Variants in SORCS1 observed in about 807,000 individuals in gnomAD.
SORCS1 encodes the protein VPS10 domain-containing receptor SorCS1.
Under a neutral mutation model 146.1 loss-of-function variants are expected in SORCS1, and 60 were observed. That is an observed-to-expected ratio of 0.41 (90% CI 0.33 to 0.51). The LOEUF is 0.51. Among genes scored for constraint, SORCS1 ranks in the 20% least tolerant of loss-of-function variants. SORCS1 has a pLI of 0.21. For missense variants in SORCS1, 1,352 were observed against 1,487.6 expected, an observed-to-expected ratio of 0.91 and a Z score of 1.50; for synonymous variants, 637 against 584.0, an observed-to-expected ratio of 1.09 and a Z score of -1.31.
chr10:107,092,754 C>T (rs557884069), intron 1 of SORCS1, among the ~76,000 whole-genome samples: 1 of 152,056 alleles, frequency 6.6e-6, no homozygotes, highest in Admixed American at 6.5e-5. Context: ...CACTGGAAAA[C>T]CAAGTGCAGG....
At chr10:106,952,332 T>C (rs2138926176) in intron 2 of SORCS1, among the ~76,000 whole-genome samples, 1 of 152,180 alleles carries the variant, frequency 6.6e-6, no homozygotes, top group East Asian at 1.9e-4. Flanking sequence ...AAAGTCAGTT[T>C]GTGCTAGGCC....
intron 1 of SORCS1, among the ~76,000 whole-genome samples, chr10:107,004,359 T>C (rs1277871362): frequency 6.6e-6 from 1 of 151,956 alleles, no homozygotes; most frequent in Non-Finnish European, 1.5e-5. Flanking sequence ...CTGGGTAACT[T>C]ATAAAGAAAA....
At chr10:107,064,165 T>C (rs1322522425) in intron 1 of SORCS1, among the ~76,000 whole-genome samples, 1 of 152,232 alleles carries the variant, frequency 6.6e-6, no homozygotes, top group Non-Finnish European at 1.5e-5. Flanking sequence ...TATTTTAACA[T>C]GTAAACATTT....
At chr10:106,646,246 C>T (rs1325931441) in intron 18 of SORCS1, among the ~76,000 whole-genome samples, 4 of 151,488 alleles carry the variant, frequency 2.6e-5, no homozygotes, top group African/African-American at 9.7e-5. Flanking sequence ...AAGGTAGACT[C>T]CATCTCAAAA....
chr10:106,865,745 T>A (rs1950202475), intron 2 of SORCS1, among the ~76,000 whole-genome samples: 1 of 149,240 alleles, frequency 6.7e-6, no homozygotes, highest in African/African-American at 2.5e-5. Flanking sequence ...TAAAATAAAA[T>A]AAAATAAAAA....
At chr10:106,756,125 TC>T (rs1858618956) in intron 5 of SORCS1, among the ~76,000 whole-genome samples, 1 of 141,236 alleles carries the variant, frequency 7.1e-6, no homozygotes, top group Non-Finnish European at 1.6e-5. Flanking sequence ...CAAGACAATG[TC>T]TCAAAAAAAA....
intron 18 of SORCS1, among the ~76,000 whole-genome samples, chr10:106,632,749 G>A (rs927809667): frequency 1.6e-4 from 24 of 152,160 alleles, no homozygotes; most frequent in African/African-American, 5.8e-4. Context: ...AAAAATTATT[G>A]CAGGGTGACA....
At position 106,945,500 on chromosome 10, in the gene SORCS1, A is replaced by G. The variant is rs144604449; in HGVS notation, c.626+11013T>C. ...AGGAACTATGAGGATGTGGAAGGTA[A>G]CTGGATGGTGGTGATCTGTATCTCA... On this transcript the variant is annotated intron_variant, in intron 2 of 25. Transcript: ENST00000263054. 5.7e-3 allele frequency among the ~76,000 whole-genome samples: 866 copies of G among 152,350 alleles called. 5 individuals are homozygous for G. Among genetic ancestry groups the G allele is most frequent in the Middle Eastern group, 0.02 (6 of 294 alleles).
At chr10:106,696,724 T>A (rs1005533300) in intron 9 of SORCS1, among the ~76,000 whole-genome samples, 2 of 152,244 alleles carry the variant, frequency 1.3e-5, no homozygotes, top group East Asian at 3.8e-4. Flanking sequence ...CTGTTACCGA[T>A]GTTTGAATTC....
intron 3 of SORCS1, among the ~76,000 whole-genome samples, chr10:106,789,138 G>A (rs1445632135): frequency 6.6e-6 from 1 of 152,124 alleles, no homozygotes; most frequent in Non-Finnish European, 1.5e-5. Context: ...TGCGACAGAG[G>A]GCACCAAGTC....
intron 1 of SORCS1, among the ~76,000 whole-genome samples, chr10:106,986,961 C>A (rs1956504417): frequency 6.6e-6 from 1 of 152,160 alleles, no homozygotes; most frequent in Non-Finnish European, 1.5e-5. Context: ...AGGTTGGTTT[C>A]TCTTGGCTAC....
intron 2 of SORCS1, among the ~76,000 whole-genome samples, chr10:106,944,201 T>C (rs995564114): frequency 1.3e-5 from 2 of 152,222 alleles, no homozygotes; most frequent in Non-Finnish European, 2.9e-5. Flanking sequence ...GTGAAATTCA[T>C]ATCTCATCAA....
intron 5 of SORCS1, among the ~76,000 whole-genome samples, chr10:106,752,017 T>G (rs1344370986): frequency 6.6e-6 from 1 of 152,214 alleles, no homozygotes; most frequent in Non-Finnish European, 1.5e-5. Flanking sequence ...ATAATGATAA[T>G]ATGTCATTTT....
chr10:106,791,361 A>G (rs1282104763), intron 3 of SORCS1, among the ~76,000 whole-genome samples: 4 of 152,174 alleles, frequency 2.6e-5, no homozygotes, highest in Admixed American at 6.6e-5. Flanking sequence ...GTCAATTACT[A>G]TTTCCTCAAG....
At chr10:106,820,935 T>A (rs1787610777) in intron 3 of SORCS1, among the ~76,000 whole-genome samples, 1 of 152,214 alleles carries the variant, frequency 6.6e-6, no homozygotes, top group Non-Finnish European at 1.5e-5. Context: ...AAAAGGGTAA[T>A]GGATGGGCAC....
At chr10:106,935,086 TAAA>T (rs1322354283) in intron 2 of SORCS1, among the ~76,000 whole-genome samples, 2 of 151,080 alleles carry the variant, frequency 1.3e-5, no homozygotes, top group African/African-American at 4.9e-5. Context: ...TACTTACAAA[TAAA>T]AAAAAGAAAA....
chr10:106,655,632 C>A (rs1187158861), intron 17 of SORCS1, among the ~76,000 whole-genome samples: 1 of 152,102 alleles, frequency 6.6e-6, no homozygotes, highest in African/African-American at 2.4e-5. Flanking sequence ...TCCATCCCCC[C>A]GGGACTATGC....
At chr10:106,781,959 T>C (rs1172951013) in intron 3 of SORCS1, among the ~76,000 whole-genome samples, 1 of 150,654 alleles carries the variant, frequency 6.6e-6, no homozygotes, top group African/African-American at 2.5e-5. Flanking sequence ...AAGCACACAC[T>C]GATAGAAATG....
At chr10:107,038,217 A>G (rs1010054404) in intron 1 of SORCS1, among the ~76,000 whole-genome samples, 8 of 152,266 alleles carry the variant, frequency 5.3e-5, no homozygotes, top group Non-Finnish European at 8.8e-5. Flanking sequence ...CAAAGACTGA[A>G]TTGAAGCTTC....
Sources: gnomAD v4.1 joint callset for allele counts (sites outside exome capture counted in the v4.1 genomes callset) on GRCh38, gnomAD v4.1.1 for gene constraint, MANE v1.5 for transcripts, NCBI Gene and HGNC (gene_info 2026-07-23, HGNC 2026-07-21) for gene names.